The following CNTNAP4 variants were observed in gnomAD, a reference collection of about 807,000 sequenced individuals.
CNTNAP4 encodes the protein contactin associated protein family member 4.
Under a neutral mutation model 148.4 loss-of-function variants are expected in CNTNAP4, and 98 were observed. The ratio of observed to expected loss-of-function variants is 0.66; its 90% confidence interval spans 0.56 to 0.78. The LOEUF (loss-of-function observed/expected upper bound fraction) is 0.78, where lower values mean the gene tolerates loss of function less well. Among genes scored for constraint, CNTNAP4 ranks in the 30% least tolerant of loss-of-function variants. CNTNAP4 has a pLI of 0.00. For synonymous variants in CNTNAP4, 730 were observed against 565.1 expected, an observed-to-expected ratio of 1.29 and a Z score of -4.14; for missense variants, 1,935 against 1,565.6, an observed-to-expected ratio of 1.24 and a Z score of -3.98.
At chr16:76,342,179 T>C (rs754830990) in intron 2 of CNTNAP4, among the ~76,000 whole-genome samples, 1 of 152,162 alleles carries the variant, frequency 6.6e-6, no homozygotes, top group African/African-American at 2.4e-5. Flanking sequence ...CCCCTAAATA[T>C]AATGCCCCTG....
intron 3 of CNTNAP4, among the ~76,000 whole-genome samples, chr16:76,419,292 C>G (rs956392141): frequency 2.0e-5 from 3 of 151,944 alleles, no homozygotes; most frequent in Non-Finnish European, 4.4e-5. Context: ...TACTGCCCCC[C>G]AGTTGGGAGA....
At position 76,341,947 on chromosome 16, in the gene CNTNAP4, G is replaced by A. The variant is rs117142751; in HGVS notation, c.197-13371G>A. Among the ~76,000 whole-genome samples the A allele has an allele frequency of 2.0e-3, 301 of 152,296 alleles. 2 individuals carry two copies. The highest frequency in any genetic ancestry group is 6.6e-3 in the African/African-American group (275 of 41,574). ...GAGTCACAGAAGGAGGAGCTTGCCC[G>A]AAGTGACAGAATTTTGGTCATGACT... is the stretch of plus-strand genomic sequence containing the variant. On this transcript the variant is annotated intron_variant, in intron 2 of 23. Transcript: ENST00000611870.
intron 2 of CNTNAP4, among the ~76,000 whole-genome samples, chr16:76,351,292 C>T (rs527528299): frequency 6.6e-6 from 1 of 151,958 alleles, no homozygotes; most frequent in East Asian, 1.9e-4. Context: ...GGTGGCCATA[C>T]GGCTGGTGGT....
intron 4 of CNTNAP4, among the ~76,000 whole-genome samples, chr16:76,444,014 A>C (rs1231447645): frequency 1.3e-5 from 2 of 152,230 alleles, no homozygotes; most frequent in Admixed American, 6.5e-5. Flanking sequence ...CAAATACAGA[A>C]TATACATGTA....
chr16:76,282,969 T>C (rs1958744029), intron 1 of CNTNAP4, among the ~76,000 whole-genome samples: 1 of 151,720 alleles, frequency 6.6e-6, no homozygotes, highest in Non-Finnish European at 1.5e-5. Flanking sequence ...TTTCTAAGTC[T>C]CATCAAAAGG....
intron 10 of CNTNAP4, chr16:76,469,584 C>T (rs1233628663): frequency 6.6e-6 from 1 of 152,222 alleles, no homozygotes; most frequent in African/African-American, 2.4e-5. Flanking sequence ...ATCTACCCTT[C>T]GTCCTGTGTG....
chr16:76,309,816 G>C lies in CNTNAP4; in HGVS notation c.86-6597G>C, dbSNP rs1597146873. The C allele has an allele frequency of 7.1e-6, 5 of 699,900 alleles. No individual in the cohort carries two copies. The East Asian group carries it at 1.3e-4, about 19-fold the overall frequency. The allele number at this position is 699,900 out of a possible 1,614,324, so 43.4% of individuals were successfully genotyped here. A position where few individuals can be genotyped will look rare whatever the true frequency, so the allele number is the denominator to read the frequency against. On this transcript the variant is annotated intron_variant, in intron 1 of 23. Coordinates refer to ENST00000611870, the MANE Select transcript of CNTNAP4 (RefSeq NM_033401.5). ...ATAGTGAGTAAGTGTCATGAGATCT[G>C]ATGGGTTGCTCAGGGGTTTCCGCTT... is the stretch of plus-strand genomic sequence containing the variant.
Position 76,475,538 on chromosome 16 carries a change from C to G in CNTNAP4, c.1656-401C>G, listed in dbSNP as rs143499034. On this transcript the variant is annotated intron_variant, in intron 10 of 23. Transcript: ENST00000611870. ...ACCTCAAGTGAAGAAAGGTATTCCT[C>G]TGTCTTCCTTTTTTCTTTTCTTCTT... 6.2e-3 allele frequency among the ~76,000 whole-genome samples: 943 copies of G among 152,292 alleles called. 12 individuals carry two copies. The highest frequency in any genetic ancestry group is 0.021 in the African/African-American group (890 of 41,558).
intron 2 of CNTNAP4, among the ~76,000 whole-genome samples, chr16:76,353,203 G>A (rs1008724463): frequency 6.6e-6 from 1 of 152,072 alleles, no homozygotes; most frequent in Non-Finnish European, 1.5e-5. Context: ...ATACAGTTTT[G>A]AACAATGATT....
intron 2 of CNTNAP4, among the ~76,000 whole-genome samples, chr16:76,354,481 C>A (rs2012305235): frequency 6.6e-6 from 1 of 152,128 alleles, no homozygotes; most frequent in Admixed American, 6.5e-5. Context: ...TTCCCCCATC[C>A]TCTTACCCAC....
intron 2 of CNTNAP4, among the ~76,000 whole-genome samples, chr16:76,355,057 T>C (rs2012394657): frequency 6.6e-6 from 1 of 152,196 alleles, no homozygotes; most frequent in Admixed American, 6.5e-5. Flanking sequence ...TATTAAACAT[T>C]TTAAATATTC....
intron 3 of CNTNAP4, among the ~76,000 whole-genome samples, chr16:76,372,463 T>A (rs539564320): frequency 6.6e-6 from 1 of 152,078 alleles, no homozygotes; most frequent in Non-Finnish European, 1.5e-5. Flanking sequence ...CACCAAAATC[T>A]TATCTTGAGT....
At chr16:76,535,019 C>A (rs1316857861) in intron 17 of CNTNAP4, among the ~76,000 whole-genome samples, 1 of 152,042 alleles carries the variant, frequency 6.6e-6, no homozygotes, top group African/African-American at 2.4e-5. Context: ...ATATGTCAGC[C>A]AAAAACAAAT....
intron 1 of CNTNAP4, among the ~76,000 whole-genome samples, chr16:76,298,809 T>C (rs1209039264): frequency 1.3e-5 from 2 of 151,820 alleles, no homozygotes; most frequent in Admixed American, 6.6e-5. Context: ...AGCCATGGAG[T>C]GGAGCCAAAC....
At chr16:76,470,496 T>TATATATATATATAA (rs1381766837) in intron 10 of CNTNAP4, among the ~76,000 whole-genome samples, 1 of 57,068 alleles carries the variant, frequency 1.8e-5, no homozygotes, top group Non-Finnish European at 5.1e-5. Context: ...TATATATATA[T>TATATATATATATAA]AAAATTAGTC....
intron 3 of CNTNAP4, among the ~76,000 whole-genome samples, chr16:76,423,864 C>G (rs1371730730): frequency 6.6e-6 from 1 of 152,012 alleles, no homozygotes; most frequent in East Asian, 1.9e-4. Context: ...ATCCAGAGTG[C>G]TACTAAGTAA....
At chr16:76,474,643 G>A (rs1345053034) in intron 10 of CNTNAP4, among the ~76,000 whole-genome samples, 2 of 152,122 alleles carry the variant, frequency 1.3e-5, no homozygotes, top group African/African-American at 4.8e-5. Flanking sequence ...GGCATTTAAA[G>A]TCTTGATCTC....
chr16:76,353,277 G>A (rs1178739228), intron 2 of CNTNAP4, among the ~76,000 whole-genome samples: 1 of 152,182 alleles, frequency 6.6e-6, no homozygotes, highest in Non-Finnish European at 1.5e-5. Flanking sequence ...GTAAGAAACA[G>A]GGATTATACC....
chr16:76,426,452 GAGA>G (rs1488334795), intron 3 of CNTNAP4, among the ~76,000 whole-genome samples: 1 of 152,108 alleles, frequency 6.6e-6, no homozygotes, highest in Non-Finnish European at 1.5e-5. Flanking sequence ...TGGAGGAGAG[GAGA>G]AGGAGGACCA....
Sources: gnomAD v4.1 joint callset for allele counts (sites outside exome capture counted in the v4.1 genomes callset) on GRCh38, gnomAD v4.1.1 for gene constraint, MANE v1.5 for transcripts, NCBI Gene and HGNC (gene_info 2026-07-23, HGNC 2026-07-21) for gene names.